Variants in FDFT1 observed in about 807,000 individuals in gnomAD.
FDFT1 encodes the protein squalene synthase.
In FDFT1, 68 loss-of-function variants were observed where a neutral mutation model predicts 46.8. The observed-to-expected ratio is 1.45, with a 90% CI of 1.19 to 1.78. The LOEUF (loss-of-function observed/expected upper bound fraction) is 1.78. Among genes scored for constraint, FDFT1 ranks in the 40% most tolerant of loss-of-function variants. The probability of loss-of-function intolerance (pLI) is 0.00; values close to 1 mark genes in which losing one functional copy is unlikely to be tolerated. For missense variants in FDFT1, 928 were observed against 524.4 expected, an observed-to-expected ratio of 1.77 and a Z score of -7.52; for synonymous variants, 351 against 185.1, an observed-to-expected ratio of 1.90 and a Z score of -7.28.
chr8:11,812,115 C>A (rs991206518), intron 3 of FDFT1, among the ~76,000 whole-genome samples: 1 of 152,192 alleles, frequency 6.6e-6, no homozygotes, highest in Non-Finnish European at 1.5e-5. Flanking sequence ...CTCCTCACTT[C>A]AGAGTGCCCC....
chr8:11,830,948 A>T (rs1165605125), intron 6 of FDFT1, among the ~76,000 whole-genome samples: 1 of 152,176 alleles, frequency 6.6e-6, no homozygotes, highest in Non-Finnish European at 1.5e-5. Context: ...CTGATTTGGG[A>T]ACTTGGTTTG....
At chr8:11,837,623 G>A (rs1036535334) in intron 7 of FDFT1, among the ~76,000 whole-genome samples, 16 of 152,256 alleles carry the variant, frequency 1.1e-4, no homozygotes, top group African/African-American at 3.9e-4. Context: ...GTGGCCTTGC[G>A]CTACACATTA....
chr8:11,802,196 C>T (rs1028396563), upstream of FDFT1: 1 of 430,284 alleles, frequency 2.3e-6, no homozygotes, highest in Non-Finnish European at 4.6e-6. Flanking sequence ...CTGGGCTGTG[C>T]TCGGGTGTGT....
At chr8:11,830,551 G>T (rs1384586319) in intron 6 of FDFT1, 131 bp downstream of exon 6, 4 of 672,092 alleles carry the variant, frequency 6.0e-6, no homozygotes. Flanking sequence ...TATTACGCTG[G>T]GAGTTTCATA....
rs1479518540 is a variant in FDFT1, at chr8:11,809,998, ACT to A, written c.381+151_381+152del. 8.6e-6 allele frequency: 5 copies of A among 582,598 alleles called. No individual in the cohort carries two copies. In the South Asian group the frequency reaches 1.3e-4, roughly 15 times the overall value. 36.1% of individuals were successfully genotyped at this position (582,598 alleles called of 1,614,324 possible). A position where few individuals can be genotyped will look rare whatever the true frequency, so the allele number is the denominator to read the frequency against. On this transcript the variant is annotated intron_variant, in intron 3 of 7. Transcript: ENST00000220584. ...AGGGTTAAAAACTCCGGTAGCCAAGACTCTGAAGCCAGGCTGCCTGGGTTGGA... is the reference window on the plus strand; with the variant it reads ...AGGGTTAAAAACTCCGGTAGCCAAGACTGAAGCCAGGCTGCCTGGGTTGGA...
chr8:11,823,315 G>T (rs1809517198), intron 4 of FDFT1, among the ~76,000 whole-genome samples: 1 of 152,062 alleles, frequency 6.6e-6, no homozygotes. Flanking sequence ...TCCATTTTAG[G>T]AGTATTTCTA....
chr8:11,835,144 C>A (rs1811365162), intron 7 of FDFT1, among the ~76,000 whole-genome samples: 1 of 152,188 alleles, frequency 6.6e-6, no homozygotes. Context: ...AAGTATTTGG[C>A]TTCAACTTTA....
At chr8:11,815,156 A>G (rs527743365) in intron 3 of FDFT1, among the ~76,000 whole-genome samples, 2 of 152,140 alleles carry the variant, frequency 1.3e-5, no homozygotes, top group African/African-American at 2.4e-5. Context: ...GCTCAGAATG[A>G]TGATTTCCAG....
intron 4 of FDFT1, among the ~76,000 whole-genome samples, chr8:11,824,706 T>A (rs769863424): frequency 6.6e-6 from 1 of 152,200 alleles, no homozygotes; most frequent in South Asian, 2.1e-4. Flanking sequence ...ATACAATGTT[T>A]GTGAGGATTG....
Position 11,827,115 on chromosome 8 carries a change from T to A in FDFT1, c.702+900T>A, listed in dbSNP as rs115070888. Among the ~76,000 whole-genome samples, 933 of 152,334 alleles carry A rather than the reference T, an allele frequency of 6.1e-3. 9 individuals are homozygous for A. The highest frequency in any genetic ancestry group is 0.021 in the African/African-American group (880 of 41,580). On this transcript the variant is annotated intron_variant, in intron 5 of 7. Transcript: ENST00000220584. The stretch of plus-strand genomic sequence containing the variant: ...AAATTTTATGACTGTTCCCTGAATT[T>A]ATTCCAGCATTTACCTTTTGCTTTC...
chr8:11,807,854 A>G (rs980637237), intron 1 of FDFT1: 3 of 152,256 alleles, frequency 2.0e-5, no homozygotes, highest in South Asian at 2.1e-4. Flanking sequence ...TAAAACGGCA[A>G]AACAGATTTT....
chr8:11,820,415 C>T (rs554257964), intron 3 of FDFT1, among the ~76,000 whole-genome samples: 1 of 152,232 alleles, frequency 6.6e-6, no homozygotes, highest in African/African-American at 2.4e-5. Flanking sequence ...TCTGCAGAAG[C>T]CGTCTGCTGC....
rs1022018777 is a variant in FDFT1 at position 11,813,439 on chromosome 8, A to T, written c.381+3589A>T. Among the ~76,000 whole-genome samples, 7 of 152,212 alleles carry T rather than the reference A, an allele frequency of 4.6e-5. No homozygotes were observed. In the South Asian group the frequency reaches 8.3e-4, roughly 18 times the overall value. ...GATCTATAACATCGTTTAACAGGGA[A>T]ATTACCTAGTACATAATGTACTGTT... On this transcript the variant is annotated intron_variant, in intron 3 of 7. Coordinates refer to ENST00000220584, the MANE Select transcript of FDFT1 (RefSeq NM_004462.5).
At chr8:11,800,871 T>C (rs1002011039), upstream of FDFT1, among the ~76,000 whole-genome samples, 21 of 152,176 alleles carry the variant, frequency 1.4e-4, no homozygotes, top group African/African-American at 5.1e-4. Context: ...TTTTTAAGAT[T>C]TTTCTGGGGT....
chr8:11,800,731 G>C (rs1363504723), upstream of FDFT1, among the ~76,000 whole-genome samples: 2 of 152,230 alleles, frequency 1.3e-5, no homozygotes, highest in East Asian at 1.9e-4. Context: ...ATTTAAGAAT[G>C]TTAGCACAGG....
chr8:11,821,070 T>C (rs1809171197), intron 3 of FDFT1, among the ~76,000 whole-genome samples: 1 of 152,220 alleles, frequency 6.6e-6, no homozygotes, highest in African/African-American at 2.4e-5. Flanking sequence ...ATGATACTTG[T>C]TACATAGGAA....
At chr8:11,801,940 T>G, upstream of FDFT1, 1 of 455,180 alleles carries the variant, frequency 2.2e-6, no homozygotes, top group Middle Eastern at 4.3e-4. Flanking sequence ...CCACCCGCCT[T>G]GGCCTCCCAA....
intron 3 of FDFT1, among the ~76,000 whole-genome samples, chr8:11,812,342 G>A (rs1012674011): frequency 1.3e-5 from 2 of 152,060 alleles, no homozygotes; most frequent in Admixed American, 1.3e-4. Flanking sequence ...CTGTGCCCTT[G>A]GGCCTGAGTG....
chr8:11,833,663 G>T (rs1811166445), intron 7 of FDFT1, among the ~76,000 whole-genome samples: 1 of 152,220 alleles, frequency 6.6e-6, no homozygotes, highest in African/African-American at 2.4e-5. Flanking sequence ...GTGAATAAAT[G>T]TTATCAGAAC....
Sources: gnomAD v4.1 joint callset for allele counts (sites outside exome capture counted in the v4.1 genomes callset) on GRCh38, gnomAD v4.1.1 for gene constraint, MANE v1.5 for transcripts, NCBI Gene and HGNC (gene_info 2026-07-23, HGNC 2026-07-21) for gene names.